Variants in HBP1 observed in about 807,000 individuals in gnomAD.
HBP1 encodes the protein HMG-box transcription factor 1.
In HBP1, 20 loss-of-function variants were observed where a neutral mutation model predicts 62.6. That is an observed-to-expected ratio of 0.32 (90% CI 0.22 to 0.46). The LOEUF (loss-of-function observed/expected upper bound fraction) is 0.46. HBP1 is among the 20% of genes least tolerant of loss of function. HBP1 has a pLI of 1.00. For synonymous variants in HBP1, 232 were observed against 206.2 expected (o/e 1.12, Z -1.07); for missense variants, 480 against 611.8 (o/e 0.78, Z 2.27).
chr7:107,169,262 G>A (rs1176273193), intron 1 of HBP1, 77 bp downstream of exon 1: 4 of 791,100 alleles, frequency 5.1e-6, no homozygotes, highest in African/African-American at 3.7e-5. Context: ...GGGCAGACTG[G>A]AGGGCTCGGG....
At chr7:107,198,470 A>C (rs1177443445) in intron 9 of HBP1, among the ~76,000 whole-genome samples, 1 of 152,102 alleles carries the variant, frequency 6.6e-6, no homozygotes, top group Non-Finnish European at 1.5e-5. Flanking sequence ...TCTGCCTCCC[A>C]AAGTGCTGGG....
intron 10 of HBP1, 110 bp downstream of exon 10, chr7:107,200,411 T>C (rs1798179902): frequency 4.0e-6 from 3 of 755,284 alleles, no homozygotes; most frequent in Non-Finnish European, 6.2e-6. Context: ...ATGCTGTCTC[T>C]AGCATTTTTA....
At chr7:107,185,101 A>G (rs552533053) in intron 3 of HBP1, among the ~76,000 whole-genome samples, 1 of 152,120 alleles carries the variant, frequency 6.6e-6, no homozygotes, top group Non-Finnish European at 1.5e-5. Flanking sequence ...GGAGCTCCAT[A>G]TACTCTAAAG....
In HBP1 at chr7:107,201,547, T is replaced by A; in HGVS notation, c.*116T>A. ...CTCAATTCGTGTGACCATAAGATAC[T>A]GATAGCATTGAGTCTTGAAATGATT... On this transcript the variant is annotated 3_prime_UTR_variant, in exon 11 of 11. Coordinates refer to ENST00000222574, the MANE Select transcript of HBP1 (RefSeq NM_012257.4). 1.7e-6 allele frequency: 1 copy of A among 577,362 alleles called. No individual in the cohort carries two copies. Among genetic ancestry groups the A allele is most frequent in the Non-Finnish European group, 3.2e-6 (1 of 313,668 alleles). 35.8% of individuals were successfully genotyped at this position (577,362 alleles called of 1,614,324 possible).
intron 1 of HBP1, among the ~76,000 whole-genome samples, chr7:107,174,173 G>C (rs567294217): frequency 1.3e-5 from 2 of 152,208 alleles, no homozygotes; most frequent in Non-Finnish European, 2.9e-5. Context: ...CCGACCGTGA[G>C]TCTGAGATTG....
chr7:107,174,784 CTG>C (rs1159695301), intron 1 of HBP1: 17 of 754,274 alleles, frequency 2.3e-5, no homozygotes, highest in Middle Eastern at 6.7e-4. Flanking sequence ...ATAAGGTTGA[CTG>C]TGCAGCTCAC....
At chr7:107,200,427 C>A in intron 10 of HBP1, 126 bp downstream of exon 10, 1 of 621,520 alleles carries the variant, frequency 1.6e-6, no homozygotes, top group Non-Finnish European at 2.6e-6. Context: ...TTTTATACTT[C>A]AAAACCTAAT....
At chr7:107,176,700 A>ATT (rs10713097) in intron 1 of HBP1, among the ~76,000 whole-genome samples, 16 of 129,942 alleles carry the variant, frequency 1.2e-4, no homozygotes, top group African/African-American at 3.2e-4. Context: ...AATTTGCTCC[A>ATT]TTTTTTTTTT....
chr7:107,184,269 A>G (rs1797246589), intron 3 of HBP1, among the ~76,000 whole-genome samples: 1 of 152,184 alleles, frequency 6.6e-6, no homozygotes, highest in Non-Finnish European at 1.5e-5. Context: ...TTTTTGGGCA[A>G]AAGATGAAAC....
intron 3 of HBP1, among the ~76,000 whole-genome samples, chr7:107,183,620 A>T (rs967088214): frequency 4.6e-5 from 7 of 151,978 alleles, no homozygotes; most frequent in African/African-American, 1.7e-4. Flanking sequence ...TTTATTTTTA[A>T]AAAAAAACCT....
chr7:107,201,168 A>AGAATTT (rs1381272317), intron 10 of HBP1: 8 of 365,318 alleles, frequency 2.2e-5, no homozygotes, highest in Non-Finnish European at 3.5e-5. Context: ...TGGTTAATTT[A>AGAATTT]GAATTTCATG....
rs767193502 is a variant in HBP1, at chr7:107,185,977, T to C, written c.540+35T>C. On this transcript the variant is annotated intron_variant, in intron 4 of 10. Coordinates refer to ENST00000222574, the MANE Select transcript of HBP1 (RefSeq NM_012257.4). ...TTTATGAGGTTAAACTTTTACAAAG[T>C]TTGTACAACAGTTGAAGTACATTAA... 2.0e-6 allele frequency: 3 copies of C among 1,531,026 alleles called. No homozygotes were observed. In the South Asian group the frequency reaches 3.4e-5, roughly 17 times the overall value. The allele number at this position is 1,531,026 out of a possible 1,614,324, so 94.8% of individuals were successfully genotyped here.
intron 1 of HBP1, among the ~76,000 whole-genome samples, chr7:107,176,507 A>G (rs1188382861): frequency 1.3e-5 from 2 of 152,144 alleles, no homozygotes; most frequent in Non-Finnish European, 2.9e-5. Context: ...ATAAGTAGGA[A>G]TTTAGCAACC....
At chr7:107,169,327 C>T (rs1456832262) in intron 1 of HBP1, 142 bp downstream of exon 1, 9 of 293,882 alleles carry the variant, frequency 3.1e-5, no homozygotes, top group Non-Finnish European at 4.8e-5. Context: ...GTTAACCGTT[C>T]GATTGGTGCC....
At chr7:107,170,784 C>A (rs1469523021) in intron 1 of HBP1, among the ~76,000 whole-genome samples, 1 of 150,474 alleles carries the variant, frequency 6.6e-6, no homozygotes, top group East Asian at 1.9e-4. Context: ...TAACTACATA[C>A]CCTAGTTAAA....
At position 107,186,156 on chromosome 7, in the gene HBP1, C is replaced by CTTTT. The variant is rs946488645; in HGVS notation, c.541-199_541-196dup. Among the ~76,000 whole-genome samples the CTTTT allele has an allele frequency of 3.9e-4, 49 of 127,246 alleles. 1 individual carries two copies. Among genetic ancestry groups the CTTTT allele is most frequent in the East Asian group, 6.9e-4 (3 of 4,356 alleles). 83.5% of individuals were successfully genotyped at this position (127,246 alleles called of 152,430 possible). A position where few individuals can be genotyped will look rare whatever the true frequency, so the allele number is the denominator to read the frequency against. On this transcript the variant is annotated intron_variant, in intron 4 of 10. Transcript: ENST00000222574. The stretch of plus-strand genomic sequence containing the variant: ...TTTGTTTTGTGTGTGTCTTTTTTTT[C>CTTTT]TTTTTTTTTCTTTTTTTTTTTTTTT...
At chr7:107,187,224 G>C (rs567828976) in intron 6 of HBP1, among the ~76,000 whole-genome samples, 23 of 152,062 alleles carry the variant, frequency 1.5e-4, no homozygotes, top group African/African-American at 4.8e-4. Flanking sequence ...CTGCACTCTA[G>C]CCTGGCAACA....
At chr7:107,169,717 C>G (rs923362231) in intron 1 of HBP1, 1 of 984,832 alleles carries the variant, frequency 1.0e-6, no homozygotes, top group Non-Finnish European at 1.2e-6. Context: ...CTCATTGTTA[C>G]GCAGTTCGAA....
rs911980716 is a variant in HBP1 at position 107,195,871 on chromosome 7, G to A, written c.1105G>A (p.Val369Met). 1 of 1,610,692 alleles carries A rather than the reference G, an allele frequency of 6.2e-7. No homozygotes were observed. Among genetic ancestry groups the A allele is most frequent in the Non-Finnish European group, 8.5e-7 (1 of 1,177,390 alleles). ...ACCTATGGATTCTTCTGCAGTTTAT[G>A]TGTTAAGTAGTATGGCTCGCCAGCG... ...FTPMDSSAVY[V>M]LSSMARQRRA... The change falls in exon 9 of 11, where the codon GTG becomes ATG. Residue 369 changes from valine to methionine, a missense_variant. Transcript: ENST00000222574.
Sources: gnomAD v4.1 joint callset for allele counts (sites outside exome capture counted in the v4.1 genomes callset) on GRCh38, gnomAD v4.1.1 for gene constraint, MANE v1.5 for transcripts, NCBI Gene and HGNC (gene_info 2026-07-23, HGNC 2026-07-21) for gene names.